AKAP7: variants seen among roughly 807,000 people sequenced by gnomAD.
AKAP7 encodes the protein A-kinase anchoring protein 7.
A neutral mutation model predicts 39.5 loss-of-function variants in AKAP7; 39 were observed. The observed-to-expected ratio is 0.99, with a 90% confidence interval of 0.76 to 1.29. The LOEUF is 1.29. Ranked by LOEUF, AKAP7 falls within the 50% of genes most tolerant of loss-of-function variation. The pLI is 0.00. For missense variants in AKAP7, 414 were observed against 407.7 expected (o/e 1.02, Z -0.13); for synonymous variants, 140 against 139.1 (o/e 1.01, Z -0.05).
intron 7 of AKAP7, among the ~76,000 whole-genome samples, chr6:131,234,502 T>C (rs770597482): frequency 3.9e-5 from 6 of 151,950 alleles, no homozygotes; most frequent in East Asian, 1.9e-4. Flanking sequence ...AGAGAGATTT[T>C]CCAGGCCGAG....
chr6:131,160,182 C>G lies in AKAP7; in HGVS notation c.275C>G (p.Pro92Arg). 1 of 1,600,104 alleles carries G rather than the reference C, an allele frequency of 6.2e-7. No individual in the cohort carries two copies. Among genetic ancestry groups the G allele is most frequent in the Non-Finnish European group, 8.5e-7 (1 of 1,176,932 alleles). The change falls in exon 3 of 8, where the codon CCA (proline) becomes CGA (arginine). Residue 92 changes from proline (P) to arginine (R), a missense_variant. Pro to Arg is a moderately radical substitution (Grantham distance 103). Transcript: ENST00000431975. Reference protein sequence around the residue: ...DYQPNYFLSIPITNKEIIKGI... With the variant: ...DYQPNYFLSIRITNKEIIKGI... ...CAACCCAACTATTTCCTGTCCATTCCAATCACCAACAAAGAGGTGCTATTT... is the reference window on the plus strand; with the variant it reads ...CAACCCAACTATTTCCTGTCCATTCGAATCACCAACAAAGAGGTGCTATTT...
At chr6:131,168,729 C>A (rs1023229988) in intron 4 of AKAP7, among the ~76,000 whole-genome samples, 4 of 152,080 alleles carry the variant, frequency 2.6e-5, no homozygotes, top group Non-Finnish European at 5.9e-5. Context: ...GTACTTTCAT[C>A]AAAAATCTAG....
At chr6:131,184,798 A>C (rs1163450166) in intron 5 of AKAP7, 8 of 1,447,204 alleles carry the variant, frequency 5.5e-6, no homozygotes, top group Non-Finnish European at 6.8e-6. Context: ...CTCCTCAGCC[A>C]AGTGAGAGTG....
intron 6 of AKAP7, among the ~76,000 whole-genome samples, chr6:131,205,729 A>T (rs1585085943): frequency 6.6e-6 from 1 of 152,216 alleles, no homozygotes; most frequent in African/African-American, 2.4e-5. Context: ...ACATTTAGTC[A>T]ATGTGTCAGC....
rs1812840063 is a variant in AKAP7 at position 131,256,245 on chromosome 6, A to AACAAACATTT, written c.851-25283_851-25274dup. On this transcript the variant is annotated intron_variant, in intron 7 of 7. Coordinates refer to ENST00000431975, the MANE Select transcript of AKAP7 (RefSeq NM_016377.4). ...GCAGCAGGAATGGTGTGCAAGGTAA[A>AACAAACATTT]ACAAACATTTAACCATAGTCACTAA... 2.0e-5 allele frequency among the ~76,000 whole-genome samples: 3 copies of AACAAACATTT among 152,156 alleles called. No individual in the cohort carries two copies. In the South Asian group the frequency reaches 6.2e-4, roughly 32 times the overall value.
At chr6:131,172,258 T>C (rs1804140732) in intron 5 of AKAP7, among the ~76,000 whole-genome samples, 1 of 152,192 alleles carries the variant, frequency 6.6e-6, no homozygotes, top group South Asian at 2.1e-4. Flanking sequence ...TAGAGACATG[T>C]AGGAATAAAT....
At chr6:131,217,902 C>T (rs1229077117) in intron 6 of AKAP7, among the ~76,000 whole-genome samples, 1 of 152,134 alleles carries the variant, frequency 6.6e-6, no homozygotes, top group Non-Finnish European at 1.5e-5. Flanking sequence ...CTCCAACCTG[C>T]ACACCCCTAC....
chr6:131,186,422 C>T (rs974634816), intron 5 of AKAP7, among the ~76,000 whole-genome samples: 4 of 152,070 alleles, frequency 2.6e-5, no homozygotes, highest in African/African-American at 9.7e-5. Flanking sequence ...GTTATCCAGT[C>T]TCAGGTATTT....
At chr6:131,154,387 A>T (rs1802225675) in intron 2 of AKAP7, among the ~76,000 whole-genome samples, 1 of 151,640 alleles carries the variant, frequency 6.6e-6, no homozygotes, top group Non-Finnish European at 1.5e-5. Context: ...AACAGTTAGT[A>T]CCTTTACCAC....
At chr6:131,192,311 AC>A (rs2128273674) in intron 5 of AKAP7, among the ~76,000 whole-genome samples, 1 of 152,150 alleles carries the variant, frequency 6.6e-6, no homozygotes, top group Admixed American at 6.5e-5. Context: ...GCATGTGGAT[AC>A]CCAGTTTTCC....
intron 7 of AKAP7, chr6:131,250,717 A>T (rs753022032): frequency 4.3e-6 from 5 of 1,163,480 alleles, no homozygotes; most frequent in Non-Finnish European, 6.4e-6. Flanking sequence ...GAAGGATAGC[A>T]GACTAATCAG....
At chr6:131,250,425 T>G in intron 7 of AKAP7, 1 of 1,467,936 alleles carries the variant, frequency 6.8e-7, no homozygotes, top group Non-Finnish European at 9.1e-7. Flanking sequence ...CCCGGCGGCG[T>G]GTGCATTGGC....
chr6:131,282,625 C>A lies in AKAP7; in HGVS notation c.*899C>A. The A allele has an allele frequency of 1.3e-6, 2 of 1,509,620 alleles. No individual in the cohort carries two copies. The highest frequency in any genetic ancestry group is 2.0e-5 in the Admixed American group (1 of 50,170). 93.5% of individuals were successfully genotyped at this position (1,509,620 alleles called of 1,614,324 possible). Reference sequence around the variant, plus strand: ...CATAAGCTCTACATTGCGATTGTGACAACATAGCTTATGAAATCTTTTCAG... The same window carrying A: ...CATAAGCTCTACATTGCGATTGTGAAAACATAGCTTATGAAATCTTTTCAG... On this transcript the variant is annotated 3_prime_UTR_variant, in exon 8 of 8. Transcript: ENST00000431975.
chr6:131,218,360 A>G (rs576433866), intron 6 of AKAP7, among the ~76,000 whole-genome samples: 1 of 152,342 alleles, frequency 6.6e-6, no homozygotes, highest in South Asian at 2.1e-4. Flanking sequence ...ATGACACAGC[A>G]TATTTGCTGA....
chr6:131,242,281 T>A (rs1331665986), intron 7 of AKAP7: 2 of 771,694 alleles, frequency 2.6e-6, no homozygotes, highest in Non-Finnish European at 3.1e-6. Context: ...CTGCCAAATA[T>A]GTGTTCATTG....
At chr6:131,146,897 C>A (rs1801530367) in intron 2 of AKAP7, among the ~76,000 whole-genome samples, 1 of 152,216 alleles carries the variant, frequency 6.6e-6, no homozygotes, top group Admixed American at 6.5e-5. Context: ...TTAAAACACA[C>A]AACAGTCTTG....
intron 6 of AKAP7, among the ~76,000 whole-genome samples, chr6:131,214,851 A>G (rs1216719563): frequency 1.3e-5 from 2 of 152,156 alleles, no homozygotes; most frequent in African/African-American, 2.4e-5. Flanking sequence ...TAAATAATGG[A>G]GGGCTTGAAA....
At chr6:131,265,012 T>G (rs1053055135) in intron 7 of AKAP7, among the ~76,000 whole-genome samples, 2 of 152,190 alleles carry the variant, frequency 1.3e-5, no homozygotes, top group South Asian at 2.1e-4. Context: ...AGGCCCCACC[T>G]TCAACACTGG....
chr6:131,243,433 C>T (rs571638973), intron 7 of AKAP7, among the ~76,000 whole-genome samples: 16 of 152,262 alleles, frequency 1.1e-4, no homozygotes, highest in African/African-American at 3.9e-4. Flanking sequence ...GGCATGTCAG[C>T]CGGGGCTGTG....
Sources: allele counts gnomAD v4.1 joint callset (sites outside exome capture counted in the v4.1 genomes callset), GRCh38; gene constraint gnomAD v4.1.1; transcripts MANE v1.5; gene names NCBI Gene and HGNC (gene_info 2026-07-23, HGNC 2026-07-21).